The following CTNNBL1 variants were observed in gnomAD, a reference collection of about 807,000 sequenced individuals.
CTNNBL1 encodes beta-catenin-like protein 1.
In CTNNBL1, 31 loss-of-function variants were observed where a neutral mutation model predicts 72.7. That is an observed-to-expected ratio of 0.43 (90% CI 0.32 to 0.58). CTNNBL1 has a LOEUF of 0.58. CTNNBL1 is among the 20% of genes least tolerant of loss of function. CTNNBL1 has a pLI of 0.08. For synonymous variants in CTNNBL1, 240 were observed against 267.3 expected (o/e 0.90, Z 1.00); for missense variants, 534 against 725.1 (o/e 0.74, Z 3.03).
chr20:37,834,846 C>T (rs1325561877), intron 11 of CTNNBL1, among the ~76,000 whole-genome samples: 2 of 152,190 alleles, frequency 1.3e-5, no homozygotes. Context: ...TGTACAGACT[C>T]AAGCCTACTG....
intron 1 of CTNNBL1, among the ~76,000 whole-genome samples, chr20:37,728,637 A>G (rs910901950): frequency 1.3e-5 from 2 of 152,260 alleles, no homozygotes; most frequent in Non-Finnish European, 2.9e-5. Flanking sequence ...GGTTAAGAAG[A>G]GAAATGAAGA....
intron 5 of CTNNBL1, among the ~76,000 whole-genome samples, chr20:37,760,842 A>G (rs969980490): frequency 2.0e-5 from 3 of 152,264 alleles, no homozygotes; most frequent in Non-Finnish European, 4.4e-5. Flanking sequence ...CATCTACCAC[A>G]CAGTGAGATG....
intron 10 of CTNNBL1, among the ~76,000 whole-genome samples, chr20:37,788,363 A>G (rs953369975): frequency 5.9e-5 from 9 of 152,234 alleles, no homozygotes; most frequent in Non-Finnish European, 1.2e-4. Flanking sequence ...TTAATGAGAA[A>G]CATTTTGCTG....
At chr20:37,753,639 A>G (rs928478051) in intron 4 of CTNNBL1, among the ~76,000 whole-genome samples, 5 of 152,216 alleles carry the variant, frequency 3.3e-5, no homozygotes, top group African/African-American at 1.2e-4. Flanking sequence ...TTTTGGAAAA[A>G]TGAAGGCAAT....
At chr20:37,717,598 A>T (rs2072997501) in intron 1 of CTNNBL1, among the ~76,000 whole-genome samples, 1 of 151,690 alleles carries the variant, frequency 6.6e-6, no homozygotes, top group Non-Finnish European at 1.5e-5. Flanking sequence ...ATGAGGCAGG[A>T]ATTTCTTTTT....
intron 11 of CTNNBL1, among the ~76,000 whole-genome samples, chr20:37,834,336 G>C (rs1019949041): frequency 6.6e-6 from 1 of 152,124 alleles, no homozygotes; most frequent in Admixed American, 6.5e-5. Flanking sequence ...AGAAGTTCTG[G>C]TTCAGTATTT....
At chr20:37,834,189 TTACAGC>T (rs201558470) in intron 11 of CTNNBL1, among the ~76,000 whole-genome samples, 1,894 of 152,234 alleles carry the variant, frequency 0.012, 41 homozygotes, top group African/African-American at 0.044. Flanking sequence ...TCTTTGAAAA[TTACAGC>T]TTCTGATACC....
chr20:37,795,292 G>A (rs1033270033), intron 10 of CTNNBL1, among the ~76,000 whole-genome samples: 2 of 152,014 alleles, frequency 1.3e-5, no homozygotes, highest in Admixed American at 1.3e-4. Flanking sequence ...GACTACACAG[G>A]CATGCACCAC....
intron 11 of CTNNBL1, among the ~76,000 whole-genome samples, chr20:37,831,429 G>A (rs911683043): frequency 1.3e-5 from 2 of 151,264 alleles, no homozygotes; most frequent in East Asian, 1.9e-4. Flanking sequence ...GCAGTGGTGC[G>A]ATCTCGGCTC....
At chr20:37,760,338 C>T (rs908379238) in intron 5 of CTNNBL1, among the ~76,000 whole-genome samples, 16 of 152,190 alleles carry the variant, frequency 1.1e-4, no homozygotes, top group African/African-American at 3.4e-4. Context: ...CCCATGCCTT[C>T]GCTCATGCTT....
chr20:37,743,645 A>G (rs2073237441), intron 3 of CTNNBL1, among the ~76,000 whole-genome samples: 1 of 152,210 alleles, frequency 6.6e-6, no homozygotes, highest in Non-Finnish European at 1.5e-5. Context: ...CGAATCAATG[A>G]AATGGAGTGA....
rs575235899 is a variant in CTNNBL1 at position 37,696,168 on chromosome 20, C to T, written c.30+2016C>T. 3.1e-3 allele frequency among the ~76,000 whole-genome samples: 477 copies of T among 152,266 alleles called. 2 individuals are homozygous for T. The highest frequency in any genetic ancestry group is 0.011 in the African/African-American group (453 of 41,548). On this transcript the variant is annotated intron_variant, in intron 1 of 15. Coordinates refer to ENST00000361383, the MANE Select transcript of CTNNBL1 (RefSeq NM_030877.5). ...CAGTCTATCCACTGGGTATACAACA[C>T]TGAATAAAAGACAAGATTCTTGCTT...
At chr20:37,777,507 C>G (rs1600481531) in intron 8 of CTNNBL1, 90 bp downstream of exon 8, 5 of 1,431,676 alleles carry the variant, frequency 3.5e-6, no homozygotes, top group Middle Eastern at 3.7e-4. Context: ...CCTTTGGCAT[C>G]CCCTTGCTCT....
chr20:37,826,663 C>G (rs929470305), intron 11 of CTNNBL1, among the ~76,000 whole-genome samples: 1 of 152,140 alleles, frequency 6.6e-6, no homozygotes, highest in African/African-American at 2.4e-5. Flanking sequence ...GTTGGATGAG[C>G]TGTATGGCAA....
chr20:37,794,500 T>C (rs2073753707), intron 10 of CTNNBL1, among the ~76,000 whole-genome samples: 1 of 152,030 alleles, frequency 6.6e-6, no homozygotes, highest in South Asian at 2.1e-4. Context: ...TTGCTTTTTG[T>C]TTGTGTTTTT....
In CTNNBL1 at chr20:37,842,904, A is replaced by G. The variant is rs79185128; in HGVS notation, c.1392+485A>G. Among the ~76,000 whole-genome samples the G allele has an allele frequency of 1.7e-3, 252 of 152,354 alleles. 1 individual carries two copies. The highest frequency in any genetic ancestry group is 5.8e-3 in the African/African-American group (242 of 41,592). ...GGAGACCTAGAGAACGGAAGCTCAG[A>G]TGCATTGCAGCCAAGCCAAACCGCA... On this transcript the variant is annotated intron_variant, in intron 13 of 15. Transcript: ENST00000361383.
intron 1 of CTNNBL1, among the ~76,000 whole-genome samples, chr20:37,721,296 T>A (rs1239101093): frequency 1.3e-5 from 2 of 152,222 alleles, no homozygotes; most frequent in African/African-American, 4.8e-5. Context: ...TTGGGTTTTA[T>A]ACTTCTAAAA....
intron 14 of CTNNBL1, 90 bp from the exon 15 acceptor site, chr20:37,860,182 G>A (rs1227863041): frequency 4.1e-6 from 6 of 1,465,036 alleles, no homozygotes; most frequent in Middle Eastern, 1.7e-4. Context: ...TTCAGGGATG[G>A]GGTGAAGTAT....
chr20:37,731,796 A>G (rs1315063767), intron 1 of CTNNBL1, among the ~76,000 whole-genome samples: 1 of 151,826 alleles, frequency 6.6e-6, no homozygotes, highest in Non-Finnish European at 1.5e-5. Context: ...GTATGTATAC[A>G]TTTTTTTTAT....
Sources: gnomAD v4.1 joint callset for allele counts (sites outside exome capture counted in the v4.1 genomes callset) on GRCh38, gnomAD v4.1.1 for gene constraint, MANE v1.5 for transcripts, NCBI Gene and HGNC (gene_info 2026-07-23, HGNC 2026-07-21) for gene names.